The following MTUS2 variants were observed in gnomAD, a reference collection of about 807,000 sequenced individuals.
MTUS2 encodes microtubule-associated tumor suppressor candidate 2.
MTUS2 carries 40 observed loss-of-function variants against 114.1 expected under a neutral mutation model. That is an observed-to-expected ratio of 0.35 (90% CI 0.27 to 0.46). The LOEUF is 0.46. Among genes scored for constraint, MTUS2 ranks in the 20% least tolerant of loss-of-function variants. The pLI is 1.00. For missense variants in MTUS2, 1,679 were observed against 1,705.4 expected (o/e 0.98, Z 0.27); for synonymous variants, 688 against 672.0 (o/e 1.02, Z -0.37).
intron 8 of MTUS2, among the ~76,000 whole-genome samples, chr13:29,380,471 C>T (rs1872117829): frequency 6.6e-6 from 1 of 152,218 alleles, no homozygotes; most frequent in East Asian, 1.9e-4. Flanking sequence ...CTACTCATTT[C>T]TCTGGGGGTT....
At chr13:29,052,949 C>T (rs1887971009) in intron 4 of MTUS2, among the ~76,000 whole-genome samples, 1 of 152,104 alleles carries the variant, frequency 6.6e-6, no homozygotes, top group Non-Finnish European at 1.5e-5. Flanking sequence ...GGGGCTTCCC[C>T]CTTCACTGGG....
At chr13:28,966,303 C>T (rs1303615226) in intron 2 of MTUS2, among the ~76,000 whole-genome samples, 6 of 152,126 alleles carry the variant, frequency 3.9e-5, no homozygotes, top group East Asian at 1.9e-4. Flanking sequence ...ATTATCATAG[C>T]CTTTTATTTT....
intron 7 of MTUS2, among the ~76,000 whole-genome samples, chr13:29,350,986 T>TATATATA (rs1369324838): frequency 2.8e-5 from 4 of 142,898 alleles, no homozygotes; most frequent in Non-Finnish European, 4.6e-5. Context: ...TATATATATC[T>TATATATA]TCAGAGGACA....
At chr13:28,871,258 C>G (rs1037516242) in intron 2 of MTUS2, among the ~76,000 whole-genome samples, 1 of 152,090 alleles carries the variant, frequency 6.6e-6, no homozygotes, top group Non-Finnish European at 1.5e-5. Flanking sequence ...CCTTCTATCT[C>G]CTTATGTTAT....
At chr13:29,154,265 G>T (rs912118140) in intron 5 of MTUS2, among the ~76,000 whole-genome samples, 1 of 152,184 alleles carries the variant, frequency 6.6e-6, no homozygotes, top group African/African-American at 2.4e-5. Context: ...CATGAACTAT[G>T]TCATTGTGAA....
intron 9 of MTUS2, among the ~76,000 whole-genome samples, chr13:29,441,861 C>G (rs1413552239): frequency 6.6e-6 from 1 of 152,178 alleles, no homozygotes; most frequent in Non-Finnish European, 1.5e-5. Flanking sequence ...CTGCCTCCTT[C>G]CCCACTGATG....
chr13:29,371,362 C>T (rs376097543), intron 8 of MTUS2, among the ~76,000 whole-genome samples: 155 of 148,178 alleles, frequency 1.0e-3, no homozygotes, highest in African/African-American at 3.5e-3. Context: ...GGATTACAGG[C>T]GCCCGCCACC....
intron 5 of MTUS2, among the ~76,000 whole-genome samples, chr13:29,102,265 A>G (rs1890450799): frequency 6.6e-6 from 1 of 152,230 alleles, no homozygotes; most frequent in Admixed American, 6.5e-5. Context: ...TATTAATAAA[A>G]TTCCTGATGA....
At chr13:29,294,364 A>G (rs1008271378) in intron 6 of MTUS2, among the ~76,000 whole-genome samples, 2 of 152,210 alleles carry the variant, frequency 1.3e-5, no homozygotes, top group Non-Finnish European at 2.9e-5. Flanking sequence ...TAATAACTGC[A>G]TATTGATTAA....
rs964511108 is a variant in MTUS2 at position 29,158,439 on chromosome 13, G to A, written c.2644+57469G>A. Among the ~76,000 whole-genome samples, 33 of 144,586 alleles carry A rather than the reference G, an allele frequency of 2.3e-4. 1 individual carries two copies. Among genetic ancestry groups the A allele is most frequent in the Admixed American group, 2.0e-3 (27 of 13,842 alleles). 94.9% of individuals were successfully genotyped at this position (144,586 alleles called of 152,430 possible). A position where few individuals can be genotyped will look rare whatever the true frequency, so the allele number is the denominator to read the frequency against. Reference sequence around the variant, plus strand: ...CCAGGGCTCAGCCCAGGCCAATCAGGGACACTTGAGTTCACTCTGTCTCTC... The same window carrying A: ...CCAGGGCTCAGCCCAGGCCAATCAGAGACACTTGAGTTCACTCTGTCTCTC... On this transcript the variant is annotated intron_variant, in intron 5 of 15. Transcript: ENST00000612955.
At chr13:29,224,122 G>A (rs544647032) in intron 5 of MTUS2, among the ~76,000 whole-genome samples, 11 of 152,356 alleles carry the variant, frequency 7.2e-5, no homozygotes, top group African/African-American at 2.4e-4. Flanking sequence ...CTGCCAGGTT[G>A]AGTGGGTGGA....
chr13:29,083,292 G>C (rs1434727999), intron 4 of MTUS2, among the ~76,000 whole-genome samples: 1 of 152,166 alleles, frequency 6.6e-6, no homozygotes. Context: ...TCGAATGAAT[G>C]CCTTCAGAAG....
rs528488356 is a variant in MTUS2 at position 28,889,370 on chromosome 13, C to T, written c.-243+49520C>T. ...ACAGTAGCATTTTCTCTTCTGTGCT[C>T]GTGTCACGCTTGCAGGTACATGTTC... is the stretch of plus-strand genomic sequence containing the variant. On this transcript the variant is annotated intron_variant, in intron 2 of 15. Coordinates refer to ENST00000612955, the MANE Select transcript of MTUS2 (RefSeq NM_001033602.4). 5.3e-5 allele frequency among the ~76,000 whole-genome samples: 8 copies of T among 152,308 alleles called. No homozygotes were observed. In the South Asian group the frequency reaches 1.0e-3, roughly 20 times the overall value.
In MTUS2 at chr13:29,369,790, A is replaced by C. The variant is rs894674852; in HGVS notation, c.3117+10317A>C. ...ATTCTCTTGAGAACAAAGATTTATCATAAGTATTATGCTGACAAAATAGAT... is the reference window on the plus strand; with the variant it reads ...ATTCTCTTGAGAACAAAGATTTATCCTAAGTATTATGCTGACAAAATAGAT... On this transcript the variant is annotated intron_variant, in intron 8 of 15. Coordinates refer to ENST00000612955, the MANE Select transcript of MTUS2 (RefSeq NM_001033602.4). Among the ~76,000 whole-genome samples the C allele has an allele frequency of 2.6e-5, 4 of 152,244 alleles. No homozygotes were observed. In the South Asian group the frequency reaches 8.3e-4, roughly 32 times the overall value.
intron 5 of MTUS2, among the ~76,000 whole-genome samples, chr13:29,193,028 G>T (rs965044836): frequency 1.3e-5 from 2 of 152,172 alleles, no homozygotes; most frequent in African/African-American, 2.4e-5. Context: ...GATTAACTCT[G>T]GGGAGACTGA....
intron 8 of MTUS2, among the ~76,000 whole-genome samples, chr13:29,406,222 C>T (rs1438185216): frequency 6.6e-6 from 1 of 152,066 alleles, no homozygotes; most frequent in South Asian, 2.1e-4. Flanking sequence ...CAAATTACCC[C>T]CAGCTGAGCA....
chr13:29,085,917 C>T (rs1344176089), intron 4 of MTUS2, among the ~76,000 whole-genome samples: 1 of 152,120 alleles, frequency 6.6e-6, no homozygotes, highest in Non-Finnish European at 1.5e-5. Context: ...ATAAGCATTC[C>T]CTTTCATCTT....
intron 2 of MTUS2, among the ~76,000 whole-genome samples, chr13:29,021,435 C>T (rs999818372): frequency 6.6e-6 from 1 of 152,158 alleles, no homozygotes; most frequent in Non-Finnish European, 1.5e-5. Context: ...TCTAGCATGA[C>T]ATTGGTTTTA....
rs1400649335 is a variant in MTUS2, at chr13:29,388,482, A to G, written c.3117+29009A>G. 2.0e-5 allele frequency among the ~76,000 whole-genome samples: 3 copies of G among 151,428 alleles called. No homozygotes were observed. The East Asian group carries it at 5.8e-4, about 29-fold the overall frequency. On this transcript the variant is annotated intron_variant, in intron 8 of 15. Transcript: ENST00000612955. ...TTACTGAGGCTAAACTTCCTTCTCTAGGGGCCCAAGTCTGGCCTCCATCTA... is the reference window on the plus strand; with the variant it reads ...TTACTGAGGCTAAACTTCCTTCTCTGGGGGCCCAAGTCTGGCCTCCATCTA...
Sources: allele counts gnomAD v4.1 joint callset (sites outside exome capture counted in the v4.1 genomes callset), GRCh38; gene constraint gnomAD v4.1.1; transcripts MANE v1.5; gene names NCBI Gene and HGNC (gene_info 2026-07-23, HGNC 2026-07-21).